AGBL3: variants seen among roughly 807,000 people sequenced by gnomAD.
AGBL3 encodes the protein cytosolic carboxypeptidase 3.
In AGBL3, 68 loss-of-function variants were observed where a neutral mutation model predicts 94.5. The observed-to-expected ratio is 0.72, with a 90% CI of 0.59 to 0.88. The LOEUF (loss-of-function observed/expected upper bound fraction) is 0.88. AGBL3 is among the 40% of genes least tolerant of loss of function. AGBL3 has a pLI of 0.00. For missense variants in AGBL3, 934 were observed against 1,103.8 expected (o/e 0.85, Z 2.18); for synonymous variants, 354 against 370.7 (o/e 0.95, Z 0.52).
chr7:135,135,325 A>T lies in AGBL3; in HGVS notation c.*64A>T. On this transcript the variant is annotated 3_prime_UTR_variant, in exon 17 of 17. Transcript: ENST00000436302. The stretch of plus-strand genomic sequence containing the variant: ...TAACATATGCTTATGTAGTAAAAAG[A>T]AAAAAAGGAAAGCCCTCCCCTTCCC... The T allele has an allele frequency of 7.5e-7, 1 of 1,330,650 alleles. No homozygotes were observed. Among genetic ancestry groups the T allele is most frequent in the Non-Finnish European group, 9.9e-7 (1 of 1,013,472 alleles). The allele number at this position is 1,330,650 out of a possible 1,614,324, so 82.4% of individuals were successfully genotyped here. A position where few individuals can be genotyped will look rare whatever the true frequency, so the allele number is the denominator to read the frequency against.
chr7:135,067,127 C>G (rs1016502507), intron 12 of AGBL3, among the ~76,000 whole-genome samples: 15 of 152,196 alleles, frequency 9.9e-5, no homozygotes, highest in Admixed American at 2.0e-4. Flanking sequence ...ACCCATGGAG[C>G]CTCGCTCATT....
At chr7:135,062,063 A>G (rs1818884134) in intron 12 of AGBL3, among the ~76,000 whole-genome samples, 1 of 151,808 alleles carries the variant, frequency 6.6e-6, no homozygotes, top group Admixed American at 6.6e-5. Flanking sequence ...GTCTTCTTCC[A>G]TTTCTTTTAT....
intron 15 of AGBL3, chr7:135,093,627 G>A (rs1822195091): frequency 6.6e-6 from 1 of 151,996 alleles, no homozygotes; most frequent in African/African-American, 2.4e-5. Context: ...TAAATAAATG[G>A]CAAGATAACT....
intron 5 of AGBL3, among the ~76,000 whole-genome samples, chr7:135,022,137 C>G (rs752578455): frequency 6.6e-6 from 1 of 152,058 alleles, no homozygotes; most frequent in Non-Finnish European, 1.5e-5. Flanking sequence ...TACATGTGCA[C>G]GTATCTTTAC....
At chr7:135,057,214 A>C (rs970927094) in intron 11 of AGBL3, among the ~76,000 whole-genome samples, 53 of 152,298 alleles carry the variant, frequency 3.5e-4, no homozygotes, top group African/African-American at 1.2e-3. Flanking sequence ...GCAAAATGTG[A>C]ACTAGAAGCA....
intron 8 of AGBL3, among the ~76,000 whole-genome samples, chr7:135,042,656 T>C (rs1442753452): frequency 6.6e-6 from 1 of 152,112 alleles, no homozygotes; most frequent in African/African-American, 2.4e-5. Context: ...ATACCTGTAA[T>C]CCCAGCACTT....
chr7:134,997,849 C>T (rs1180933233), intron 4 of AGBL3, among the ~76,000 whole-genome samples: 1 of 152,174 alleles, frequency 6.6e-6, no homozygotes, highest in Non-Finnish European at 1.5e-5. Flanking sequence ...GTCCCTTGGC[C>T]TAGGCTCTCT....
At chr7:135,115,864 G>A in intron 16 of AGBL3, 4 of 367,888 alleles carry the variant, frequency 1.1e-5, no homozygotes, top group South Asian at 4.8e-5. Flanking sequence ...TAATAAAGTA[G>A]GCATAAATAA....
intron 4 of AGBL3, among the ~76,000 whole-genome samples, chr7:135,004,363 T>C (rs1812113220): frequency 6.6e-6 from 1 of 151,718 alleles, no homozygotes; most frequent in African/African-American, 2.4e-5. Context: ...TGCTTTAATA[T>C]TCATAAATAA....
intron 5 of AGBL3, among the ~76,000 whole-genome samples, chr7:135,021,813 C>G (rs942292480): frequency 5.9e-5 from 9 of 152,112 alleles, no homozygotes; most frequent in Admixed American, 2.0e-4. Flanking sequence ...GATGCTCTCC[C>G]TCCCCTTGCC....
At chr7:135,118,557 A>G (rs1361090020) in intron 16 of AGBL3, among the ~76,000 whole-genome samples, 1 of 152,196 alleles carries the variant, frequency 6.6e-6, no homozygotes, top group Non-Finnish European at 1.5e-5. Flanking sequence ...AAGCCAAAAC[A>G]GAGGGTTTAC....
At chr7:135,091,538 A>G (rs1317583437) in intron 15 of AGBL3, among the ~76,000 whole-genome samples, 1 of 152,092 alleles carries the variant, frequency 6.6e-6, no homozygotes, top group African/African-American at 2.4e-5. Flanking sequence ...TTGTTTATTC[A>G]TTGTTCTTTT....
intron 3 of AGBL3, 68 bp from the exon 4 acceptor site, chr7:134,993,425 T>C: frequency 7.6e-7 from 1 of 1,309,740 alleles, no homozygotes; most frequent in East Asian, 2.6e-5. Flanking sequence ...AAAGGAACTA[T>C]ATAAAAATTA....
intron 11 of AGBL3, among the ~76,000 whole-genome samples, chr7:135,055,947 T>C (rs562907943): frequency 3.3e-5 from 5 of 152,022 alleles, no homozygotes; most frequent in South Asian, 4.1e-4. Flanking sequence ...TATAGATCTA[T>C]ATATCTATCT....
rs554403206 is a variant in AGBL3 at position 135,035,213 on chromosome 7, T to C, written c.1337+285T>C. Among the ~76,000 whole-genome samples, 13 of 152,200 alleles carry C rather than the reference T, an allele frequency of 8.5e-5. No homozygotes were observed. In the South Asian group the frequency reaches 2.1e-3, roughly 24 times the overall value. On this transcript the variant is annotated intron_variant, in intron 7 of 16. Coordinates refer to ENST00000436302, the MANE Select transcript of AGBL3 (RefSeq NM_178563.4). ...ACTAATAAGCTTGCATATCCCAAAT[T>C]TGGCTTCTTGCTAAAGATAATGGTA... is the stretch of plus-strand genomic sequence containing the variant.
chr7:135,045,802 T>C lies in AGBL3; in HGVS notation c.1732T>C (p.Tyr578His). Residue 578 changes from tyrosine to histidine, a missense_variant, in exon 11 of 17, where the codon TAT (tyrosine) becomes CAT (histidine). Tyr to His is a moderately conservative substitution (Grantham distance 83). This residue lies in a region of AGBL3 where 441 missense variants were observed against 518.2 expected (regional missense o/e 0.85). Transcript: ENST00000436302. Reference sequence around the variant, plus strand: ...CTCATTTATTACTTTTGCCTAGTATTATCGGTGCCTGAAAGAATTAGAAGA... The same window carrying C: ...CTCATTTATTACTTTTGCCTAGTATCATCGGTGCCTGAAAGAATTAGAAGA... The part of the protein sequence containing the change: ...DYCDPDRTKY[Y>H]RCLKELEEME... The C allele has an allele frequency of 6.5e-7, 1 of 1,545,536 alleles. No individual in the cohort carries two copies. The highest frequency in any genetic ancestry group is 8.7e-7 in the Non-Finnish European group (1 of 1,143,306).
intron 15 of AGBL3, among the ~76,000 whole-genome samples, chr7:135,084,368 G>A (rs1821165121): frequency 6.6e-6 from 1 of 151,980 alleles, no homozygotes; most frequent in Non-Finnish European, 1.5e-5. Flanking sequence ...TGCTCTCCTA[G>A]CTATTTGAAA....
chr7:135,025,824 A>G (rs969328024), intron 5 of AGBL3, among the ~76,000 whole-genome samples: 2 of 151,688 alleles, frequency 1.3e-5, no homozygotes, highest in African/African-American at 2.4e-5. Flanking sequence ...TTCAATCAAC[A>G]ATAATCAAGA....
rs563330513 is a variant in AGBL3 at position 135,096,339 on chromosome 7, G to A, written c.2110+14549G>A. On this transcript the variant is annotated intron_variant, in intron 15 of 16. Coordinates refer to ENST00000436302, the MANE Select transcript of AGBL3 (RefSeq NM_178563.4). Reference sequence around the variant, plus strand: ...AAATGTCACCAAAAAAGAAAAAGAGGAAAGAAAGAAAGAAAGAGAGAGACA... The same window carrying A: ...AAATGTCACCAAAAAAGAAAAAGAGAAAAGAAAGAAAGAAAGAGAGAGACA... 6.3e-4 allele frequency among the ~76,000 whole-genome samples: 94 copies of A among 148,248 alleles called. 1 individual carries two copies. Among genetic ancestry groups the A allele is most frequent in the Middle Eastern group, 3.4e-3 (1 of 290 alleles).
Sources: gnomAD v4.1 joint callset for allele counts (sites outside exome capture counted in the v4.1 genomes callset) on GRCh38, gnomAD v4.1.1 for gene constraint, gnomAD v4.1.1 regional missense constraint, MANE v1.5 for transcripts, NCBI Gene and HGNC (gene_info 2026-07-23, HGNC 2026-07-21) for gene names.